PEPD: variants seen among roughly 807,000 people sequenced by gnomAD.
PEPD encodes the protein peptidase D.
A neutral mutation model predicts 60.7 loss-of-function variants in PEPD; 53 were observed. That is an observed-to-expected ratio of 0.87 (90% CI 0.70 to 1.10). The LOEUF (loss-of-function observed/expected upper bound fraction) is 1.10. Ranked by LOEUF, PEPD falls within the 50% of genes least tolerant of loss-of-function variation. The pLI is 0.00. For missense variants in PEPD, 711 were observed against 711.9 expected (o/e 1.00, Z 0.01); for synonymous variants, 267 against 284.1 (o/e 0.94, Z 0.60).
At chr19:33,394,381 C>A (rs1968316137) in intron 12 of PEPD, among the ~76,000 whole-genome samples, 1 of 152,250 alleles carries the variant, frequency 6.6e-6, no homozygotes. Flanking sequence ...AGGCCCGGCG[C>A]CGCCCAGATG....
intron 9 of PEPD, among the ~76,000 whole-genome samples, chr19:33,432,448 C>T (rs948212571): frequency 6.6e-6 from 1 of 152,178 alleles, no homozygotes; most frequent in Non-Finnish European, 1.5e-5. Context: ...AAGGAGCCCA[C>T]CCCACCCCAG....
chr19:33,474,778 C>T (rs1011070706), intron 7 of PEPD, among the ~76,000 whole-genome samples: 24 of 151,864 alleles, frequency 1.6e-4, no homozygotes, highest in Admixed American at 3.9e-4. Flanking sequence ...GCCAGGAGTT[C>T]GAGGCCAGCC....
At position 33,432,991 on chromosome 19, in the gene PEPD, A is replaced by T. The variant is rs550929086; in HGVS notation, c.672-19348T>A. ...TGGAGCGACAGGCTCCCTCACTGCC[A>T]TGCTGCCTGCAGCTGGGTTCCCTTG... is the stretch of plus-strand genomic sequence containing the variant. On this transcript the variant is annotated intron_variant, in intron 9 of 14. Coordinates refer to ENST00000244137, the MANE Select transcript of PEPD (RefSeq NM_000285.4). Among the ~76,000 whole-genome samples the T allele has an allele frequency of 4.9e-4, 74 of 152,366 alleles. No individual in the cohort carries two copies. In the South Asian group the frequency reaches 9.3e-3, roughly 19 times the overall value.
intron 9 of PEPD, among the ~76,000 whole-genome samples, chr19:33,441,913 G>A (rs1969485687): frequency 6.6e-6 from 1 of 152,246 alleles, no homozygotes; most frequent in Non-Finnish European, 1.5e-5. Context: ...CCAGTGCCCT[G>A]CACTGAGACA....
At chr19:33,408,397 A>G (rs1373902611) in intron 11 of PEPD, among the ~76,000 whole-genome samples, 4 of 152,234 alleles carry the variant, frequency 2.6e-5, no homozygotes, top group Admixed American at 2.0e-4. Flanking sequence ...GGCCACTGCG[A>G]GAGAGGGAGG....
chr19:33,413,476 A>T, intron 10 of PEPD, 99 bp downstream of exon 10: 1 of 735,542 alleles, frequency 1.4e-6, no homozygotes, highest in Non-Finnish European at 2.4e-6. Context: ...GTGAGTGAGC[A>T]AGTGTGGCTG....
chr19:33,510,666 G>T (rs1970907410), intron 3 of PEPD, among the ~76,000 whole-genome samples: 1 of 152,226 alleles, frequency 6.6e-6, no homozygotes, highest in African/African-American at 2.4e-5. Context: ...GAATTGCCAT[G>T]TTGGGTGGAC....
chr19:33,443,362 A>G (rs1180426353), intron 9 of PEPD, among the ~76,000 whole-genome samples: 1 of 152,154 alleles, frequency 6.6e-6, no homozygotes, highest in African/African-American at 2.4e-5. Context: ...CTTTGGGGAG[A>G]ATGTGAGATT....
At chr19:33,483,725 G>A (rs564230173) in intron 6 of PEPD, among the ~76,000 whole-genome samples, 34 of 152,138 alleles carry the variant, frequency 2.2e-4, no homozygotes, top group African/African-American at 7.9e-4. Flanking sequence ...TGGGAAGATC[G>A]CTTGAGCCCA....
chr19:33,511,286 C>T, intron 2 of PEPD, 131 bp from the exon 3 acceptor site: 1 of 895,768 alleles, frequency 1.1e-6, no homozygotes, highest in South Asian at 1.4e-5. Context: ...CAGCCCCAGA[C>T]ATCCCTTCCC....
At chr19:33,507,962 C>T (rs910454554) in intron 3 of PEPD, among the ~76,000 whole-genome samples, 1 of 152,098 alleles carries the variant, frequency 6.6e-6, no homozygotes, top group Non-Finnish European at 1.5e-5. Context: ...GCCAGATGCC[C>T]CCTCGGGACC....
At chr19:33,396,982 C>T (rs1191943854) in intron 12 of PEPD, among the ~76,000 whole-genome samples, 1 of 152,186 alleles carries the variant, frequency 6.6e-6, no homozygotes, top group Admixed American at 6.5e-5. Context: ...ATTCCCCTCA[C>T]CATGCATGCA....
At chr19:33,441,627 T>C (rs974761085) in intron 9 of PEPD, among the ~76,000 whole-genome samples, 1 of 152,184 alleles carries the variant, frequency 6.6e-6, no homozygotes, top group African/African-American at 2.4e-5. Context: ...GCCTGCTGTA[T>C]GCCTGACTCT....
chr19:33,401,608 G>A (rs1179134620), intron 12 of PEPD, 113 bp downstream of exon 12: 19 of 982,446 alleles, frequency 1.9e-5, no homozygotes, highest in East Asian at 7.9e-5. Flanking sequence ...AGCATCTGGA[G>A]TGTGGCAGAT....
At chr19:33,438,389 T>C (rs769797298) in intron 9 of PEPD, among the ~76,000 whole-genome samples, 4 of 152,182 alleles carry the variant, frequency 2.6e-5, no homozygotes, top group Non-Finnish European at 5.9e-5. Context: ...ACTCTTGTGG[T>C]TGCCAGAAAA....
chr19:33,420,323 C>T (rs541468264), intron 9 of PEPD, among the ~76,000 whole-genome samples: 11 of 152,274 alleles, frequency 7.2e-5, no homozygotes, highest in African/African-American at 2.6e-4. Flanking sequence ...CAGAGGTCTT[C>T]TCTATCCAAT....
At chr19:33,439,079 C>T (rs768267684) in intron 9 of PEPD, among the ~76,000 whole-genome samples, 2 of 152,236 alleles carry the variant, frequency 1.3e-5, no homozygotes, top group Non-Finnish European at 2.9e-5. Context: ...CCTGGCAGTG[C>T]AGAAGTGGCT....
chr19:33,510,898 A>T, intron 3 of PEPD, 130 bp downstream of exon 3: 3 of 947,308 alleles, frequency 3.2e-6, no homozygotes, highest in Non-Finnish European at 4.9e-6. Context: ...CCCTGACCGC[A>T]TGCCCTTCCT....
intron 4 of PEPD, among the ~76,000 whole-genome samples, chr19:33,496,652 C>T (rs553249432): frequency 2.0e-5 from 3 of 151,948 alleles, no homozygotes; most frequent in South Asian, 2.1e-4. Context: ...CTCGTTTCCA[C>T]GGAGTGGTGG....
Sources: gnomAD v4.1 joint callset for allele counts (sites outside exome capture counted in the v4.1 genomes callset) on GRCh38, gnomAD v4.1.1 for gene constraint, MANE v1.5 for transcripts, NCBI Gene and HGNC (gene_info 2026-07-23, HGNC 2026-07-21) for gene names.